Variants in GUCA1B observed in about 807,000 individuals in gnomAD.
GUCA1B encodes the protein guanylate cyclase activator 1B, also known as guanylyl cyclase-activating protein 2.
A neutral mutation model predicts 24.2 loss-of-function variants in GUCA1B; 22 were observed. The observed-to-expected ratio is 0.91, with a 90% CI of 0.65 to 1.30. The LOEUF (loss-of-function observed/expected upper bound fraction) is 1.30, where lower values mean the gene tolerates loss of function less well. GUCA1B is among the 50% of genes most tolerant of loss of function. The pLI, the probability that GUCA1B is intolerant of heterozygous loss-of-function variation, is 0.00. For synonymous variants in GUCA1B, 100 were observed against 97.9 expected (o/e 1.02, Z -0.13); for missense variants, 221 against 258.8 (o/e 0.85, Z 1.00).
Position 42,183,983 on chromosome 6 carries a change from C to T in GUCA1B, c.*832G>A, listed in dbSNP as rs568172984. ...CCTGTTGACACCACTGGTGAGGATG[C>T]CTTGGGGAGGAGGAGGCCAGGGTCC... On this transcript the variant is annotated 3_prime_UTR_variant, in exon 4 of 4. Transcript: ENST00000230361. 3.2e-3 allele frequency among the ~76,000 whole-genome samples: 481 copies of T among 152,262 alleles called. 2 individuals are homozygous for T. Among genetic ancestry groups the T allele is most frequent in the African/African-American group, 0.011 (469 of 41,548 alleles).
chr6:42,194,575 G>A lies in GUCA1B; in HGVS notation c.207+39C>T, dbSNP rs374513888. 8.3e-5 allele frequency: 110 copies of A among 1,329,266 alleles called. 1 individual carries two copies. The East Asian group carries it at 8.5e-4, about 10-fold the overall frequency. 82.3% of individuals were successfully genotyped at this position (1,329,266 alleles called of 1,614,324 possible). On this transcript the variant is annotated intron_variant, in intron 1 of 3. Transcript: ENST00000230361. ...GGACACTTGTGGAGGAAGGCGCCAG[G>A]TGGACTGGCCACTGGTCCTTCCCTT... is the stretch of plus-strand genomic sequence containing the variant.
In GUCA1B at chr6:42,194,791, C is replaced by A; in HGVS notation, c.30G>T (p.Ala10=). The A allele has an allele frequency of 1.3e-6, 2 of 1,578,482 alleles. No homozygotes were observed. The highest frequency in any genetic ancestry group is 2.3e-5 in the East Asian group (1 of 42,588). ...CCACATCTATCTCGCCAGCTGCCTC[C>A]GCCTCCTCCCAGCTAAACTCCTGCC... MGQEFSWEE[A]EAAGEIDVAE... Residue 10 remains alanine (A), a synonymous_variant, in exon 1 of 4, where the codon GCG becomes GCT. Coordinates refer to ENST00000230361, the MANE Select transcript of GUCA1B (RefSeq NM_002098.6).
At chr6:42,186,859 T>C (rs9462778) in intron 2 of GUCA1B, among the ~76,000 whole-genome samples, 12,248 of 152,224 alleles carry the variant, frequency 0.08, 1,609 homozygotes, top group African/African-American at 0.28. Flanking sequence ...AGCAGCTTCT[T>C]GCTCTGTGAA....
intron 2 of GUCA1B, among the ~76,000 whole-genome samples, chr6:42,187,662 A>T (rs1419240036): frequency 1.3e-5 from 2 of 151,818 alleles, no homozygotes. Flanking sequence ...GGCTCAAGTG[A>T]TCCACTCACC....
chr6:42,194,653 C>G lies in GUCA1B; in HGVS notation c.168G>C (p.Gln56His). The G allele has an allele frequency of 1.2e-6, 2 of 1,613,780 alleles. No individual in the cohort carries two copies. The highest frequency in any genetic ancestry group is 1.7e-6 in the Non-Finnish European group (2 of 1,179,662). ...FKVTDDEEASQYVEGMFRAFD... is the reference protein window; with the variant it reads ...FKVTDDEEASHYVEGMFRAFD... ...AGGCTCGGAACATGCCCTCTACATA[C>G]TGGGAGGCCTCCTCATCGTCTGTGA... The change falls in exon 1 of 4, where the codon CAG becomes CAC. Residue 56 changes from glutamine to histidine, a missense_variant. Gln to His is a conservative substitution (Grantham distance 24). Coordinates refer to ENST00000230361, the MANE Select transcript of GUCA1B (RefSeq NM_002098.6).
rs181122661 is a variant in GUCA1B, at chr6:42,185,659, C to T, written c.475+21G>A. The T allele has an allele frequency of 9.3e-4, 1,253 of 1,347,292 alleles. 3 individuals are homozygous for T. In the African/African-American group the frequency reaches 0.017, roughly 18 times the overall value. The allele number at this position is 1,347,292 out of a possible 1,614,324, so 83.5% of individuals were successfully genotyped here. On this transcript the variant is annotated intron_variant, in intron 3 of 3. Transcript: ENST00000230361. ...GATGATGCAGAGTGGACAGCACTCT[C>T]CCCATCTCTGCCCCTCTTACCATCT...
chr6:42,186,583 G>A (rs545232013), intron 2 of GUCA1B, among the ~76,000 whole-genome samples: 7 of 147,514 alleles, frequency 4.7e-5, no homozygotes, highest in Admixed American at 4.7e-4. Context: ...ACAAAGCGAG[G>A]CTCTGTCTCA....
At chr6:42,187,418 C>CCTTTTTT (rs1554187028) in intron 2 of GUCA1B, among the ~76,000 whole-genome samples, 3,533 of 129,374 alleles carry the variant, frequency 0.027, 218 homozygotes, top group African/African-American at 0.096. Flanking sequence ...GTTTATTTTA[C>CCTTTTTT]TTTTTTTTTT....
chr6:42,191,156 G>A (rs1356927419), intron 1 of GUCA1B, among the ~76,000 whole-genome samples: 3 of 152,062 alleles, frequency 2.0e-5, no homozygotes, highest in African/African-American at 7.2e-5. Context: ...CGGCTCTGTG[G>A]GATTATCTGC....
chr6:42,184,628 A>G lies in GUCA1B; in HGVS notation c.*187T>C, dbSNP rs1768162072. On this transcript the variant is annotated 3_prime_UTR_variant, in exon 4 of 4. Coordinates refer to ENST00000230361, the MANE Select transcript of GUCA1B (RefSeq NM_002098.6). ...CTTCACCATCCCAGGGACTCCTCCA[A>G]AATGGACTATGCCCTGTTGGCCACT... is the stretch of plus-strand genomic sequence containing the variant. 1.5e-6 allele frequency: 1 copy of G among 688,244 alleles called. No homozygotes were observed. Among genetic ancestry groups the G allele is most frequent in the African/African-American group, 1.8e-5 (1 of 56,900 alleles). 42.6% of individuals were successfully genotyped at this position (688,244 alleles called of 1,614,324 possible).
rs1215253344 is a variant in GUCA1B, at chr6:42,188,699, T to A, written c.240A>T (p.Ala80=). ...DNTIDFLEYV[A]ALNLVLRGTL... ...TGCCCCTCAGCACGAGATTCAGAGC[T>A]GCCACGTACTCCAGGAAGTCGATGG... is the stretch of plus-strand genomic sequence containing the variant. The change falls in exon 2 of 4, where the codon GCA becomes GCT. Residue 80 remains alanine (A), a synonymous_variant. Transcript: ENST00000230361. The A allele has an allele frequency of 6.2e-7, 1 of 1,614,126 alleles. No homozygotes were observed. The highest frequency in any genetic ancestry group is 1.1e-5 in the South Asian group (1 of 91,060).
rs139923590 is a variant in GUCA1B at position 42,185,690 on chromosome 6, C to A, written c.465G>T (p.Glu155Asp). The part of the protein sequence containing the change: ...VVDRIFLLVD[E>D]NGDGQLSLNE... ...CTCTGCCCCTCTTACCATCTCCATT[C>A]TCATCCACCAGGAGGAAGATCCTGT... is the stretch of plus-strand genomic sequence containing the variant. The change falls in exon 3 of 4, where the codon GAG (glutamate) becomes GAT (aspartate). Residue 155 changes from glutamate to aspartate, a missense_variant. Transcript: ENST00000230361. 0.01 allele frequency: 16,109 copies of A among 1,584,302 alleles called. 134 individuals carry two copies. Among genetic ancestry groups the A allele is most frequent in the Non-Finnish European group, 0.012 (14,076 of 1,153,068 alleles).
At chr6:42,186,146 A>G (rs1391282279) in intron 2 of GUCA1B, among the ~76,000 whole-genome samples, 1 of 152,240 alleles carries the variant, frequency 6.6e-6, no homozygotes, top group Non-Finnish European at 1.5e-5. Context: ...ATAGAGATGC[A>G]GAGAAGAAAA....
intron 1 of GUCA1B, among the ~76,000 whole-genome samples, chr6:42,192,959 A>G (rs1447299470): frequency 1.3e-5 from 2 of 152,200 alleles, no homozygotes; most frequent in Admixed American, 6.5e-5. Flanking sequence ...TAAAAAAAGT[A>G]TATGTATAAA....
Position 42,189,500 on chromosome 6 carries a change from A to T in GUCA1B, c.208-769T>A, listed in dbSNP as rs111666169. ...TTGAAGGAATTAGAAAGCAGAGCCC[A>T]TGTTGAAATTTTCCTCTGCATTCTC... On this transcript the variant is annotated intron_variant, in intron 1 of 3. Transcript: ENST00000230361. 2.1e-3 allele frequency among the ~76,000 whole-genome samples: 327 copies of T among 152,374 alleles called. 2 individuals carry two copies. Among genetic ancestry groups the T allele is most frequent in the African/African-American group, 7.3e-3 (305 of 41,590 alleles).
At chr6:42,186,288 T>C (rs911626888) in intron 2 of GUCA1B, among the ~76,000 whole-genome samples, 3 of 152,192 alleles carry the variant, frequency 2.0e-5, no homozygotes, top group Non-Finnish European at 4.4e-5. Flanking sequence ...CCAATGAGAC[T>C]ATGTTTGTGA....
intron 1 of GUCA1B, 145 bp downstream of exon 1, chr6:42,194,469 G>C (rs1768362709): frequency 1.2e-5 from 8 of 685,644 alleles, no homozygotes; most frequent in Non-Finnish European, 1.9e-5. Flanking sequence ...TGGTGAGTGA[G>C]ACAGAAAAGG....
intron 3 of GUCA1B, 89 bp from the exon 4 acceptor site, chr6:42,185,031 C>T: frequency 8.0e-7 from 1 of 1,248,992 alleles, no homozygotes; most frequent in South Asian, 1.3e-5. Context: ...CCAGGATGCG[C>T]CTACACGTCT....
At chr6:42,185,519 G>A (rs1020428427) in intron 3 of GUCA1B, among the ~76,000 whole-genome samples, 161 bp downstream of exon 3, 3 of 152,152 alleles carry the variant, frequency 2.0e-5, no homozygotes, top group African/African-American at 7.2e-5. Context: ...ACAAACACGT[G>A]CTCATGAGTC....
Sources: allele counts gnomAD v4.1 joint callset (sites outside exome capture counted in the v4.1 genomes callset), GRCh38; gene constraint gnomAD v4.1.1; transcripts MANE v1.5; gene names NCBI Gene and HGNC (gene_info 2026-07-23, HGNC 2026-07-21).